The following SPRYD7 variants were observed in gnomAD, a reference collection of about 807,000 sequenced individuals.
SPRYD7 encodes the protein SPRY domain containing 7.
Under a neutral mutation model 23.8 loss-of-function variants are expected in SPRYD7, and 14 were observed. The observed-to-expected ratio is 0.59, with a 90% CI of 0.39 to 0.92. The LOEUF (loss-of-function observed/expected upper bound fraction) is 0.92. SPRYD7 is among the 40% of genes least tolerant of loss of function. The probability of loss-of-function intolerance (pLI) is 0.00; values close to 1 mark genes in which losing one functional copy is unlikely to be tolerated. For synonymous variants in SPRYD7, 75 were observed against 84.9 expected, an observed-to-expected ratio of 0.88 and a Z score of 0.64; for missense variants, 194 against 241.7, an observed-to-expected ratio of 0.80 and a Z score of 1.31.
At chr13:49,924,361 T>C (rs937006160) in intron 3 of SPRYD7, among the ~76,000 whole-genome samples, 5 of 152,078 alleles carry the variant, frequency 3.3e-5, no homozygotes, top group Admixed American at 2.6e-4. Context: ...CTGCCGCCTT[T>C]ATCTCCCAGG....
In SPRYD7 at chr13:49,936,302, T is replaced by C. The variant is rs1871631859; in HGVS notation, c.-67A>G. On this transcript the variant is annotated 5_prime_UTR_variant, in exon 1 of 5. Transcript: ENST00000361840. Reference sequence around the variant, plus strand: ...GCGACACTGCCCCCCGCCGCTCAGCTCCGTCTCCTGCCCCCGCCCGAGGTC... The same window carrying C: ...GCGACACTGCCCCCCGCCGCTCAGCCCCGTCTCCTGCCCCCGCCCGAGGTC... 3 of 1,185,514 alleles carry C rather than the reference T, an allele frequency of 2.5e-6. No homozygotes were observed. The South Asian group carries it at 4.2e-5, about 17-fold the overall frequency. The allele number at this position is 1,185,514 out of a possible 1,614,324, so 73.4% of individuals were successfully genotyped here.
chr13:49,918,739 A>G (rs1308905024), intron 4 of SPRYD7, among the ~76,000 whole-genome samples: 1 of 127,050 alleles, frequency 7.9e-6, no homozygotes, highest in Non-Finnish European at 1.7e-5. Flanking sequence ...TGTGGAGACT[A>G]AGTCTTGCTC....
intron 1 of SPRYD7, among the ~76,000 whole-genome samples, chr13:49,931,626 A>G (rs1386340216): frequency 6.6e-6 from 1 of 152,222 alleles, no homozygotes; most frequent in African/African-American, 2.4e-5. Context: ...GAGAACATTT[A>G]TAAGTAATAT....
In SPRYD7 at chr13:49,921,026, T is replaced by C. The variant is rs374011251; in HGVS notation, c.493+452A>G. ...ACAATGTGTCCAGATTTCTAGATGA[T>C]AGCTATAAAAGTAACATACACGCTG... On this transcript the variant is annotated intron_variant, in intron 4 of 4. Coordinates refer to ENST00000361840, the MANE Select transcript of SPRYD7 (RefSeq NM_020456.4). 4.6e-4 allele frequency among the ~76,000 whole-genome samples: 70 copies of C among 152,250 alleles called. 2 individuals carry two copies. The South Asian group carries it at 0.014, about 31-fold the overall frequency.
At chr13:49,918,598 G>C (rs1407990182) in intron 4 of SPRYD7, among the ~76,000 whole-genome samples, 3 of 148,056 alleles carry the variant, frequency 2.0e-5, no homozygotes, top group Non-Finnish European at 4.5e-5. Context: ...GGCTAGTCTT[G>C]AACTCCAGAC....
In SPRYD7 at chr13:49,936,157, C is replaced by A. The variant is rs1237317885; in HGVS notation, c.79G>T (p.Ala27Ser). 1 of 1,607,286 alleles carries A rather than the reference C, an allele frequency of 6.2e-7. No individual in the cohort carries two copies. Among genetic ancestry groups the A allele is most frequent in the Non-Finnish European group, 8.5e-7 (1 of 1,178,046 alleles). ...TGHIPLKEMP[A>S]VQLDTQHMGT... ...ATGTGCTGCGTGTCCAGCTGCACGG[C>A]CGGCATCTCCTTCAGAGGGATGTGG... The change falls in exon 1 of 5, where the codon GCC becomes TCC. Residue 27 changes from alanine to serine, a missense_variant. Transcript: ENST00000361840.
chr13:49,920,662 T>C (rs1955807553), intron 4 of SPRYD7, among the ~76,000 whole-genome samples: 3 of 152,088 alleles, frequency 2.0e-5, no homozygotes, highest in Non-Finnish European at 4.4e-5. Context: ...CTACAATCCA[T>C]ATAAAAAGGT....
At chr13:49,919,942 G>T (rs557810008) in intron 4 of SPRYD7, among the ~76,000 whole-genome samples, 66 of 151,370 alleles carry the variant, frequency 4.4e-4, no homozygotes, top group African/African-American at 1.5e-3. Flanking sequence ...CATTGGGGGT[G>T]GGGGGGTGTA....
intron 4 of SPRYD7, 116 bp from the exon 5 acceptor site, chr13:49,915,276 G>A (rs1237129434): frequency 2.3e-6 from 1 of 430,084 alleles, no homozygotes; most frequent in Non-Finnish European, 4.2e-6. Context: ...TAATAGGTAA[G>A]AAGAATAAAT....
intron 4 of SPRYD7, among the ~76,000 whole-genome samples, chr13:49,915,878 T>C (rs547025219): frequency 3.3e-5 from 5 of 152,354 alleles, no homozygotes; most frequent in Admixed American, 1.3e-4. Flanking sequence ...TGATGAATTA[T>C]TGATATATGC....
chr13:49,918,728 T>G (rs1029000452), intron 4 of SPRYD7, among the ~76,000 whole-genome samples: 12 of 151,494 alleles, frequency 7.9e-5, no homozygotes, highest in African/African-American at 2.7e-4. Context: ...TTATTTTTTT[T>G]TGTGGAGACT....
At chr13:49,931,218 C>T (rs1955944459) in intron 1 of SPRYD7, 84 bp from the exon 2 acceptor site, 6 of 869,034 alleles carry the variant, frequency 6.9e-6, no homozygotes, top group Non-Finnish European at 1.0e-5. Flanking sequence ...CTTGCTCTGT[C>T]ACCCAGGCTG....
intron 4 of SPRYD7, among the ~76,000 whole-genome samples, chr13:49,916,605 TA>T (rs113644915): frequency 0.043 from 6,037 of 139,306 alleles, 234 homozygotes; most frequent in African/African-American, 0.11. Flanking sequence ...ACCTAAATGT[TA>T]AAAAAAAAAA....
intron 3 of SPRYD7, among the ~76,000 whole-genome samples, chr13:49,927,657 G>A (rs1006909548): frequency 1.3e-5 from 2 of 152,180 alleles, no homozygotes; most frequent in Non-Finnish European, 2.9e-5. Context: ...GTGATCAGCA[G>A]ACAGCCTGTC....
Position 49,928,059 on chromosome 13 carries a change from G to C in SPRYD7, c.250C>G (p.Gln84Glu), listed in dbSNP as rs1367349994. 6.2e-7 allele frequency: 1 copy of C among 1,613,870 alleles called. No individual in the cohort carries two copies. Among genetic ancestry groups the C allele is most frequent in the Non-Finnish European group, 8.5e-7 (1 of 1,179,986 alleles). Residue 84 changes from glutamine (Q) to glutamate (E), a missense_variant, in exon 3 of 5, where the codon CAG (glutamine) becomes GAG (glutamate). By Grantham distance (29) the Gln-to-Glu change is conservative. Transcript: ENST00000361840. Reference protein sequence around the residue: ...TGIWGIGVATQKVNLNQIPLG... With the variant: ...TGIWGIGVATEKVNLNQIPLG... ...GGAATCTGATTCAAGTTAACCTTCT[G>C]AGTTGCAACACCAATACCCCAGATT...
intron 4 of SPRYD7, among the ~76,000 whole-genome samples, chr13:49,918,049 T>C (rs1203636246): frequency 1.3e-5 from 2 of 152,176 alleles, no homozygotes; most frequent in Non-Finnish European, 2.9e-5. Context: ...GCTATTTTTA[T>C]TTTAGTATTT....
At chr13:49,929,636 C>T (rs1056475161) in intron 2 of SPRYD7, among the ~76,000 whole-genome samples, 4 of 151,996 alleles carry the variant, frequency 2.6e-5, no homozygotes, top group Non-Finnish European at 5.9e-5. Flanking sequence ...GCTGGGATTA[C>T]AGGCGCCCAC....
chr13:49,929,508 T>G (rs1021298415), intron 2 of SPRYD7, among the ~76,000 whole-genome samples: 1 of 152,134 alleles, frequency 6.6e-6, no homozygotes, highest in African/African-American at 2.4e-5. Flanking sequence ...TTGTATTTGT[T>G]TTTTTGAGAC....
At chr13:49,932,054 T>G (rs1163081656) in intron 1 of SPRYD7, among the ~76,000 whole-genome samples, 1 of 152,244 alleles carries the variant, frequency 6.6e-6, no homozygotes, top group Non-Finnish European at 1.5e-5. Context: ...GAAACCAATT[T>G]GATGATTTCA....
Sources: allele counts gnomAD v4.1 joint callset (sites outside exome capture counted in the v4.1 genomes callset), GRCh38; gene constraint gnomAD v4.1.1; transcripts MANE v1.5; gene names NCBI Gene and HGNC (gene_info 2026-07-23, HGNC 2026-07-21).